Variants in AGBL1 observed in about 807,000 individuals in gnomAD.
AGBL1 encodes the protein AGBL carboxypeptidase 1.
A neutral mutation model predicts 118.9 loss-of-function variants in AGBL1; 130 were observed. That is an observed-to-expected ratio of 1.09 (90% CI 0.95 to 1.26). AGBL1 has a LOEUF of 1.26. Ranked by LOEUF, AGBL1 falls within the 50% of genes most tolerant of loss-of-function variation. The pLI, the probability that AGBL1 is intolerant of heterozygous loss-of-function variation, is 0.00. For synonymous variants in AGBL1, 555 were observed against 478.9 expected, an observed-to-expected ratio of 1.16 and a Z score of -2.08; for missense variants, 1,584 against 1,298.1, an observed-to-expected ratio of 1.22 and a Z score of -3.38.
intron 21 of AGBL1, among the ~76,000 whole-genome samples, chr15:86,636,178 T>C (rs2085078632): frequency 6.6e-6 from 1 of 152,116 alleles, no homozygotes. Flanking sequence ...GACAGCACAG[T>C]GTTAATTCAT....
chr15:86,960,792 G>A (rs370428623), intron 23 of AGBL1, among the ~76,000 whole-genome samples: 1 of 152,008 alleles, frequency 6.6e-6, no homozygotes, highest in African/African-American at 2.4e-5. Flanking sequence ...TGAAAACATG[G>A]ATGAACCTGA....
chr15:86,505,339 A>G (rs1235813469), intron 18 of AGBL1, among the ~76,000 whole-genome samples: 2 of 151,272 alleles, frequency 1.3e-5, no homozygotes, highest in Admixed American at 6.6e-5. Context: ...TTTTTTAACT[A>G]TTTGTTCGTT....
chr15:86,121,735 C>T (rs1240244926), intron 1 of AGBL1, among the ~76,000 whole-genome samples: 1 of 152,180 alleles, frequency 6.6e-6, no homozygotes, highest in Non-Finnish European at 1.5e-5. Flanking sequence ...CCTGTCTCAA[C>T]CAGCATAATC....
Position 86,893,253 on chromosome 15 carries a change from G to A in AGBL1, c.3159-13834G>A, listed in dbSNP as rs550216100. On this transcript the variant is annotated intron_variant, in intron 22 of 22. Coordinates refer to ENST00000614907, the MANE Select transcript of AGBL1 (RefSeq NM_001386094.1). ...TGAGTGTCTGGAATTTTAAGTGTTCGCCTCTTGCTTCTCAGTAGGTGGCTG... is the reference window on the plus strand; with the variant it reads ...TGAGTGTCTGGAATTTTAAGTGTTCACCTCTTGCTTCTCAGTAGGTGGCTG... Among the ~76,000 whole-genome samples the A allele has an allele frequency of 9.2e-5, 14 of 152,238 alleles. No homozygotes were observed. In the East Asian group the frequency reaches 1.9e-3, roughly 21 times the overall value.
At chr15:86,469,074 G>GT (rs149764970) in intron 18 of AGBL1, among the ~76,000 whole-genome samples, 91 of 151,766 alleles carry the variant, frequency 6.0e-4, no homozygotes, top group East Asian at 4.4e-3. Context: ...CACAAAGTTT[G>GT]TTTTTTTTGT....
chr15:86,427,574 C>T (rs1173524660), intron 18 of AGBL1, among the ~76,000 whole-genome samples: 4 of 149,950 alleles, frequency 2.7e-5, no homozygotes, highest in Non-Finnish European at 5.9e-5. Context: ...AAAAAAAGGA[C>T]ACCTATTGGC....
intron 7 of AGBL1, among the ~76,000 whole-genome samples, chr15:86,252,736 C>T (rs1465726213): frequency 2.0e-5 from 3 of 152,148 alleles, no homozygotes; most frequent in African/African-American, 7.2e-5. Flanking sequence ...AGGAGGTGGC[C>T]ACCAGGCACA....
At chr15:86,962,351 T>A (rs1378423744) in intron 23 of AGBL1, among the ~76,000 whole-genome samples, 2 of 152,062 alleles carry the variant, frequency 1.3e-5, no homozygotes, top group Non-Finnish European at 2.9e-5. Flanking sequence ...CAAATGATTC[T>A]CCAGGAAGGA....
intron 24 of AGBL1, among the ~76,000 whole-genome samples, chr15:87,020,947 T>C (rs997608822): frequency 6.6e-6 from 1 of 152,148 alleles, no homozygotes; most frequent in Non-Finnish European, 1.5e-5. Flanking sequence ...TTCAATGCTA[T>C]TCCCATTCAA....
chr15:86,316,504 G>C (rs1000323127), intron 17 of AGBL1, among the ~76,000 whole-genome samples: 24 of 152,092 alleles, frequency 1.6e-4, no homozygotes, highest in African/African-American at 5.8e-4. Flanking sequence ...TCGGTAATTT[G>C]AACATCTGTC....
intron 17 of AGBL1, among the ~76,000 whole-genome samples, chr15:86,313,867 T>G (rs539961002): frequency 6.6e-6 from 1 of 152,306 alleles, no homozygotes; most frequent in South Asian, 2.1e-4. Flanking sequence ...AGAGCTAGGC[T>G]TTTTCAACCC....
chr15:86,154,386 A>G, intron 3 of AGBL1, 44 bp from the exon 4 acceptor site: 1 of 1,596,462 alleles, frequency 6.3e-7, no homozygotes, highest in East Asian at 2.2e-5. Context: ...ACAATCCAGA[A>G]TCAATGTGAA....
At position 86,911,751 on chromosome 15, in the gene AGBL1, G is replaced by T. The variant is rs1013984998; in HGVS notation, c.*4457G>T. 2.0e-5 allele frequency: 3 copies of T among 152,022 alleles called. No homozygotes were observed. Among genetic ancestry groups the T allele is most frequent in the Non-Finnish European group, 4.4e-5 (3 of 68,000 alleles). 9.4% of individuals were successfully genotyped at this position (152,022 alleles called of 1,614,324 possible). A position where few individuals can be genotyped will look rare whatever the true frequency, so the allele number is the denominator to read the frequency against. On this transcript the variant is annotated 3_prime_UTR_variant, in exon 23 of 23. Coordinates refer to ENST00000614907, the MANE Select transcript of AGBL1 (RefSeq NM_001386094.1). ...AAGAATCTCCCATTCTCTCATTTGGGAATATCAAAACTCAGTTCAAATATC... is the reference window on the plus strand; with the variant it reads ...AAGAATCTCCCATTCTCTCATTTGGTAATATCAAAACTCAGTTCAAATATC...
At chr15:86,924,065 A>T (rs72754051) in intron 23 of AGBL1, among the ~76,000 whole-genome samples, 5,634 of 152,342 alleles carry the variant, frequency 0.037, 139 homozygotes, top group Middle Eastern at 0.068. Context: ...ACAAGTTTTA[A>T]GTTATGAAGC....
intron 18 of AGBL1, among the ~76,000 whole-genome samples, chr15:86,401,515 T>G (rs1017969846): frequency 3.3e-5 from 5 of 152,158 alleles, no homozygotes; most frequent in African/African-American, 1.2e-4. Flanking sequence ...TAGTCCTGAA[T>G]TCTTTGCCTA....
At chr15:86,432,813 GT>G (rs936439868) in intron 18 of AGBL1, among the ~76,000 whole-genome samples, 6 of 151,466 alleles carry the variant, frequency 4.0e-5, no homozygotes, top group African/African-American at 1.2e-4. Flanking sequence ...ATTGAAAGAG[GT>G]TTTTTTTTGC....
intron 23 of AGBL1, among the ~76,000 whole-genome samples, chr15:86,954,059 G>C (rs1410025730): frequency 6.6e-6 from 1 of 152,014 alleles, no homozygotes; most frequent in African/African-American, 2.4e-5. Flanking sequence ...ACACCAGTCT[G>C]GCTATTAATA....
intron 6 of AGBL1, among the ~76,000 whole-genome samples, chr15:86,245,956 G>A (rs1474897113): frequency 2.0e-5 from 3 of 152,004 alleles, no homozygotes; most frequent in East Asian, 3.9e-4. Flanking sequence ...CAGGACTATA[G>A]CTCACTGCAG....
intron 5 of AGBL1, among the ~76,000 whole-genome samples, chr15:86,201,070 G>A (rs902553018): frequency 3.9e-5 from 6 of 151,960 alleles, no homozygotes; most frequent in Non-Finnish European, 5.9e-5. Flanking sequence ...TGTATTCAAT[G>A]ATACACATGC....
Sources: allele counts gnomAD v4.1 joint callset (sites outside exome capture counted in the v4.1 genomes callset), GRCh38; gene constraint gnomAD v4.1.1; transcripts MANE v1.5; gene names NCBI Gene and HGNC (gene_info 2026-07-23, HGNC 2026-07-21).